COL18A1: variants seen among roughly 807,000 people sequenced by gnomAD.
COL18A1 encodes collagen type XVIII alpha 1 chain, also known as collagen alpha-1(XVIII) chain.
In COL18A1, 133 loss-of-function variants were observed where a neutral mutation model predicts 168.0. The ratio of observed to expected loss-of-function variants is 0.79; its 90% confidence interval spans 0.69 to 0.91. The LOEUF is 0.91. COL18A1 is among the 40% of genes least tolerant of loss of function. The probability of loss-of-function intolerance (pLI) is 0.00; values close to 1 mark genes in which losing one functional copy is unlikely to be tolerated. For missense variants in COL18A1, 2,126 were observed against 1,925.4 expected (o/e 1.10, Z -1.95); for synonymous variants, 949 against 809.0 (o/e 1.17, Z -2.94).
intron 38 of COL18A1, among the ~76,000 whole-genome samples, chr21:45,508,041 G>A (rs934442449): frequency 3.3e-5 from 5 of 151,054 alleles, no homozygotes; most frequent in South Asian, 2.1e-4. Context: ...GAGTGGATAC[G>A]TAGGTAGATG....
rs1356696444 is a variant in COL18A1 at position 45,478,318 on chromosome 21, C to A, written c.1222-9C>A. Reference sequence around the variant, plus strand: ...TTCCCATCACTAATGGCTTCTCTTGCACACCCAGGGCGACCCCGGTGAAGA... The same window carrying A: ...TTCCCATCACTAATGGCTTCTCTTGAACACCCAGGGCGACCCCGGTGAAGA... On this transcript the variant is annotated splice_polypyrimidine_tract_variant and intron_variant, in intron 8 of 41. Coordinates refer to ENST00000651438, the MANE Select transcript of COL18A1 (RefSeq NM_001379500.1). 1 of 1,613,882 alleles carries A rather than the reference C, an allele frequency of 6.2e-7. No homozygotes were observed. Among genetic ancestry groups the A allele is most frequent in the East Asian group, 2.2e-5 (1 of 44,814 alleles).
chr21:45,501,937 A>C lies in COL18A1; in HGVS notation c.2684-2074A>C, dbSNP rs867010050. ...TCCACAGCCGGTCACCTCCCTCTGC[A>C]GAAGGACCCTCAGGGGCCTCCGCAG... On this transcript the variant is annotated intron_variant, in intron 32 of 41. Transcript: ENST00000651438. Among the ~76,000 whole-genome samples the C allele has an allele frequency of 6.8e-4, 61 of 89,426 alleles. 4 individuals carry two copies. Among genetic ancestry groups the C allele is most frequent in the African/African-American group, 2.0e-3 (38 of 18,728 alleles). The allele number at this position is 89,426 out of a possible 152,430, so 58.7% of individuals were successfully genotyped here. A position where few individuals can be genotyped will look rare whatever the true frequency, so the allele number is the denominator to read the frequency against.
chr21:45,442,893 G>A (rs1490464982), intron 2 of COL18A1, among the ~76,000 whole-genome samples: 19 of 140,938 alleles, frequency 1.3e-4, no homozygotes, highest in Non-Finnish European at 2.7e-4. Context: ...TGTGGGCAGC[G>A]GTGCTGATGT....
rs2036306497 is a variant in COL18A1, at chr21:45,490,745, A to G, written c.2032-91A>G. 4 of 1,293,566 alleles carry G rather than the reference A, an allele frequency of 3.1e-6. No individual in the cohort carries two copies. In the East Asian group the frequency reaches 1.0e-4, roughly 34 times the overall value. 80.1% of individuals were successfully genotyped at this position (1,293,566 alleles called of 1,614,324 possible). ...GGCCCCAGCCGGTCGGGAAATAAAG[A>G]ACCCCACATCTTCATCAGAGCCATC... On this transcript the variant is annotated intron_variant, in intron 20 of 41. Coordinates refer to ENST00000651438, the MANE Select transcript of COL18A1 (RefSeq NM_001379500.1).
chr21:45,465,708 G>A (rs1236546365), intron 2 of COL18A1, among the ~76,000 whole-genome samples: 1 of 152,196 alleles, frequency 6.6e-6, no homozygotes, highest in Non-Finnish European at 1.5e-5. Flanking sequence ...GTCCTCAGGA[G>A]CCCTTCAAAG....
chr21:45,475,744 G>A (rs574887018), intron 5 of COL18A1, among the ~76,000 whole-genome samples: 2 of 141,966 alleles, frequency 1.4e-5, no homozygotes, highest in Admixed American at 6.7e-5. Context: ...CCTGGCCGCC[G>A]CGTGTCTCTG....
chr21:45,437,065 GTGC>G (rs1174601631), intron 2 of COL18A1, among the ~76,000 whole-genome samples: 1 of 151,978 alleles, frequency 6.6e-6, no homozygotes, highest in African/African-American at 2.4e-5. Context: ...GTGAGGGTGT[GTGC>G]TGTTCACACC....
intron 15 of COL18A1, among the ~76,000 whole-genome samples, chr21:45,484,003 C>T (rs1413884161): frequency 6.8e-6 from 1 of 147,834 alleles, no homozygotes; most frequent in Admixed American, 6.7e-5. Context: ...CATGCACACA[C>T]ACCTCTCCAG....
intron 34 of COL18A1, 35 bp downstream of exon 34, chr21:45,504,591 C>T (rs1054102848): frequency 1.3e-6 from 2 of 1,550,196 alleles, no homozygotes; most frequent in Middle Eastern, 2.2e-4. Context: ...AGCCCATGTC[C>T]CAGGGGTCTG....
At chr21:45,505,623 G>A (rs546857750) in intron 36 of COL18A1, among the ~76,000 whole-genome samples, 192 bp downstream of exon 36, 15 of 152,256 alleles carry the variant, frequency 9.9e-5, no homozygotes, top group South Asian at 2.1e-4. Context: ...ACCACCAGCC[G>A]GGAAGTGCCC....
chr21:45,501,909 G>A (rs1172190674), intron 32 of COL18A1, among the ~76,000 whole-genome samples: 3 of 112,442 alleles, frequency 2.7e-5, no homozygotes, highest in Admixed American at 1.7e-4. Flanking sequence ...GACCCCCAGG[G>A]GCTCCACAGC....
intron 2 of COL18A1, among the ~76,000 whole-genome samples, chr21:45,409,754 G>A (rs2033232436): frequency 6.6e-6 from 1 of 152,240 alleles, no homozygotes; most frequent in Non-Finnish European, 1.5e-5. Context: ...CTTAACCCCG[G>A]GGCGGGAGTG....
At chr21:45,476,239 G>A (rs2035645013) in intron 5 of COL18A1, 112 bp from the exon 6 acceptor site, 5 of 1,505,038 alleles carry the variant, frequency 3.3e-6, no homozygotes, top group South Asian at 1.2e-5. Context: ...TGTTTCAGAG[G>A]ATTTTTCTTT....
intron 2 of COL18A1, among the ~76,000 whole-genome samples, chr21:45,411,770 G>GT (rs989424613): frequency 7.3e-6 from 1 of 136,728 alleles, no homozygotes; most frequent in African/African-American, 2.6e-5. Flanking sequence ...GGGGGGTGGG[G>GT]GGGGGGCAGG....
chr21:45,438,460 C>T (rs1049105464), intron 2 of COL18A1, among the ~76,000 whole-genome samples: 1 of 152,234 alleles, frequency 6.6e-6, no homozygotes, highest in African/African-American at 2.4e-5. Flanking sequence ...TCCCTGGGTG[C>T]CTGGGCACGG....
At position 45,509,359 on chromosome 21, in the gene COL18A1, A is replaced by G. The variant is rs2037435777; in HGVS notation, c.3253A>G (p.Asn1085Asp). The change falls in exon 39 of 42, where the codon AAT becomes GAT. Residue 1085 changes from asparagine to aspartate, a missense_variant. Transcript: ENST00000651438. ...ARTPLPRGTD[N>D]EVAALQPPVV... ...GCCCCACGTCTCCCACCTGCAGGAC[A>G]ATGAAGTGGCCGCCTTGCAGCCCCC... 7 of 1,545,974 alleles carry G rather than the reference A, an allele frequency of 4.5e-6. No individual in the cohort carries two copies. Among genetic ancestry groups the G allele is most frequent in the Non-Finnish European group, 6.1e-6 (7 of 1,147,158 alleles).
chr21:45,501,763 G>A (rs1477656493), intron 32 of COL18A1, among the ~76,000 whole-genome samples: 46 of 88,754 alleles, frequency 5.2e-4, no homozygotes, highest in African/African-American at 1.7e-3. Flanking sequence ...ACCTCCCTCT[G>A]CAGAAGGACC....
rs370062804 is a variant in COL18A1, at chr21:45,480,687, C to A, written c.1453-13C>A. 4 of 1,610,604 alleles carry A rather than the reference C, an allele frequency of 2.5e-6. No homozygotes were observed. The highest frequency in any genetic ancestry group is 3.3e-5 in the Admixed American group (2 of 59,996). ...CACATGGGCTGTGACTATCTGTGTT[C>A]GCCCACGTCCAGGGTCCTCGAGGCT... On this transcript the variant is annotated splice_polypyrimidine_tract_variant and intron_variant, in intron 12 of 41. Coordinates refer to ENST00000651438, the MANE Select transcript of COL18A1 (RefSeq NM_001379500.1).
Position 45,432,415 on chromosome 21 carries a change from C to A in COL18A1, c.106+26942C>A, listed in dbSNP as rs185423898. Among the ~76,000 whole-genome samples, 3 of 152,314 alleles carry A rather than the reference C, an allele frequency of 2.0e-5. No homozygotes were observed. The East Asian group carries it at 5.8e-4, about 29-fold the overall frequency. Reference sequence around the variant, plus strand: ...TTAAATCAGGTGGATATTTACCTAGCGGCCTCCTCTCCCTCTGCACAGGGC... The same window carrying A: ...TTAAATCAGGTGGATATTTACCTAGAGGCCTCCTCTCCCTCTGCACAGGGC... On this transcript the variant is annotated intron_variant, in intron 2 of 41. Coordinates refer to ENST00000651438, the MANE Select transcript of COL18A1 (RefSeq NM_001379500.1).
Sources: allele counts gnomAD v4.1 joint callset (sites outside exome capture counted in the v4.1 genomes callset), GRCh38; gene constraint gnomAD v4.1.1; transcripts MANE v1.5; gene names NCBI Gene and HGNC (gene_info 2026-07-23, HGNC 2026-07-21).